UNC5C: variants seen among roughly 807,000 people sequenced by gnomAD.
The protein encoded by UNC5C is unc-5 netrin receptor C, also known as netrin receptor UNC5C.
Under a neutral mutation model 99.8 loss-of-function variants are expected in UNC5C, and 47 were observed. That is an observed-to-expected ratio of 0.47 (90% CI 0.37 to 0.60). The LOEUF is 0.60. Ranked by LOEUF, UNC5C falls within the 20% of genes least tolerant of loss-of-function variation. UNC5C has a pLI of 0.00. For missense variants in UNC5C, 1,062 were observed against 1,165.9 expected, an observed-to-expected ratio of 0.91 and a Z score of 1.30; for synonymous variants, 487 against 452.2, an observed-to-expected ratio of 1.08 and a Z score of -0.98.
intron 1 of UNC5C, among the ~76,000 whole-genome samples, chr4:95,515,350 G>A (rs1722184155): frequency 1.3e-5 from 2 of 152,192 alleles, no homozygotes; most frequent in South Asian, 4.1e-4. Context: ...CTGAGGCTCA[G>A]AATGTTAAGG....
At chr4:95,500,677 GTAATT>G (rs1215832766) in intron 1 of UNC5C, among the ~76,000 whole-genome samples, 1 of 152,108 alleles carries the variant, frequency 6.6e-6, no homozygotes, top group African/African-American at 2.4e-5. Context: ...GGAACATGTT[GTAATT>G]TATAAGGCCT....
At chr4:95,513,246 G>C (rs937717615) in intron 1 of UNC5C, among the ~76,000 whole-genome samples, 2 of 152,128 alleles carry the variant, frequency 1.3e-5, no homozygotes, top group African/African-American at 4.8e-5. Flanking sequence ...AGAAAATATT[G>C]AATTTTTCTT....
intron 1 of UNC5C, among the ~76,000 whole-genome samples, chr4:95,541,431 T>A (rs944312095): frequency 6.6e-5 from 10 of 152,126 alleles, no homozygotes; most frequent in African/African-American, 2.4e-4. Flanking sequence ...TTGGGGGTCT[T>A]GGAAAGTATC....
At chr4:95,425,093 C>T (rs767598171) in intron 1 of UNC5C, among the ~76,000 whole-genome samples, 5 of 152,042 alleles carry the variant, frequency 3.3e-5, no homozygotes, top group Non-Finnish European at 5.9e-5. Flanking sequence ...CTCCAATCTG[C>T]AAAATGTTTC....
chr4:95,282,709 G>A (rs1300228972), intron 3 of UNC5C, among the ~76,000 whole-genome samples: 1 of 152,152 alleles, frequency 6.6e-6, no homozygotes, highest in East Asian at 1.9e-4. Flanking sequence ...GATTCTTCCT[G>A]GCCTCTCTGA....
intron 4 of UNC5C, among the ~76,000 whole-genome samples, 177 bp downstream of exon 4, chr4:95,278,081 TC>T (rs1579290253): frequency 6.6e-6 from 1 of 152,200 alleles, no homozygotes; most frequent in East Asian, 1.9e-4. Flanking sequence ...TCTAATTGAC[TC>T]CCAAGTCATT....
intron 1 of UNC5C, among the ~76,000 whole-genome samples, chr4:95,440,142 A>G (rs1746906880): frequency 6.6e-6 from 1 of 152,194 alleles, no homozygotes; most frequent in South Asian, 2.1e-4. Context: ...TTTCCTGCAG[A>G]GATTATAAAA....
intron 7 of UNC5C, among the ~76,000 whole-genome samples, chr4:95,234,312 TA>T (rs1050054529): frequency 1.3e-5 from 2 of 152,192 alleles, no homozygotes; most frequent in Non-Finnish European, 2.9e-5. Flanking sequence ...TTATTAATGT[TA>T]AGTTTTTTTA....
At chr4:95,225,029 T>TG (rs1442740051) in intron 7 of UNC5C, among the ~76,000 whole-genome samples, 1 of 151,550 alleles carries the variant, frequency 6.6e-6, no homozygotes, top group Non-Finnish European at 1.5e-5. Flanking sequence ...AGGGAGGAGG[T>TG]GGGGTCAGAG....
At chr4:95,389,964 CT>C (rs1745309869) in intron 1 of UNC5C, among the ~76,000 whole-genome samples, 1 of 152,036 alleles carries the variant, frequency 6.6e-6, no homozygotes, top group African/African-American at 2.4e-5. Context: ...CATTATGGTT[CT>C]ATTGGACAGC....
In UNC5C at chr4:95,167,786, T is replaced by C. The variant is rs1246777502; in HGVS notation, c.*1448A>G. On this transcript the variant is annotated 3_prime_UTR_variant, in exon 16 of 16. Coordinates refer to ENST00000453304, the MANE Select transcript of UNC5C (RefSeq NM_003728.4). ...TCAGAACTACTTGAAAGGCGTAACA[T>C]AGCCTGGGCAAAAGACCAGCTGATG... 6.6e-6 allele frequency: 1 copy of C among 152,184 alleles called. No individual in the cohort carries two copies. Among genetic ancestry groups the C allele is most frequent in the Non-Finnish European group, 1.5e-5 (1 of 68,030 alleles). 9.4% of individuals were successfully genotyped at this position (152,184 alleles called of 1,614,324 possible). A position where few individuals can be genotyped will look rare whatever the true frequency, so the allele number is the denominator to read the frequency against.
At chr4:95,433,494 A>G (rs369357129) in intron 1 of UNC5C, among the ~76,000 whole-genome samples, 2 of 152,060 alleles carry the variant, frequency 1.3e-5, no homozygotes, top group African/African-American at 4.8e-5. Context: ...GAATATCTGT[A>G]TATCTACCAC....
intron 3 of UNC5C, among the ~76,000 whole-genome samples, chr4:95,291,492 G>A (rs185431172): frequency 1.5e-4 from 23 of 152,216 alleles, no homozygotes; most frequent in Non-Finnish European, 2.8e-4. Flanking sequence ...TATAACATAC[G>A]TATAGATGAT....
At chr4:95,417,813 T>G (rs1218482429) in intron 1 of UNC5C, among the ~76,000 whole-genome samples, 1 of 152,150 alleles carries the variant, frequency 6.6e-6, no homozygotes, top group Non-Finnish European at 1.5e-5. Context: ...CCACATCAAT[T>G]CTTTCTTCTC....
At chr4:95,249,082 T>G (rs913658506) in intron 5 of UNC5C, among the ~76,000 whole-genome samples, 2 of 152,218 alleles carry the variant, frequency 1.3e-5, no homozygotes, top group Non-Finnish European at 2.9e-5. Context: ...TGTTACAGTT[T>G]CCTACAGTAT....
At chr4:95,326,684 A>T (rs17023543) in intron 2 of UNC5C, among the ~76,000 whole-genome samples, 26,227 of 152,192 alleles carry the variant, frequency 0.17, 2,441 homozygotes, top group African/African-American at 0.21. Flanking sequence ...GTAATGAATG[A>T]TCTTCAATCA....
intron 1 of UNC5C, among the ~76,000 whole-genome samples, chr4:95,468,140 T>G (rs867429407): frequency 6.6e-5 from 10 of 151,572 alleles, no homozygotes; most frequent in African/African-American, 1.9e-4. Flanking sequence ...TTTTTTTTTT[T>G]TTGTTTTTTC....
At chr4:95,306,866 G>T (rs1026691012) in intron 2 of UNC5C, among the ~76,000 whole-genome samples, 1 of 152,118 alleles carries the variant, frequency 6.6e-6, no homozygotes, top group Admixed American at 6.5e-5. Context: ...ATACAAAGCT[G>T]CAGGTTGGGA....
chr4:95,207,217 C>G (rs1034581186), intron 10 of UNC5C, among the ~76,000 whole-genome samples: 1 of 152,084 alleles, frequency 6.6e-6, no homozygotes, highest in Non-Finnish European at 1.5e-5. Flanking sequence ...CAGGACCTGA[C>G]TTGAAAAATA....
Sources: gnomAD v4.1 joint callset for allele counts (sites outside exome capture counted in the v4.1 genomes callset) on GRCh38, gnomAD v4.1.1 for gene constraint, MANE v1.5 for transcripts, NCBI Gene and HGNC (gene_info 2026-07-23, HGNC 2026-07-21) for gene names.